Variants in SVEP1 observed in about 807,000 individuals in gnomAD.
SVEP1 encodes the protein sushi, von Willebrand factor type A, EGF and pentraxin domain containing 1.
SVEP1 carries 164 observed loss-of-function variants against 367.3 expected under a neutral mutation model. That is an observed-to-expected ratio of 0.45 (90% CI 0.39 to 0.51). The LOEUF (loss-of-function observed/expected upper bound fraction) is 0.51. SVEP1 is among the 20% of genes least tolerant of loss of function. SVEP1 has a pLI of 0.00. For synonymous variants in SVEP1, 1,666 were observed against 1,611.6 expected, an observed-to-expected ratio of 1.03 and a Z score of -0.81; for missense variants, 4,117 against 4,425.3, an observed-to-expected ratio of 0.93 and a Z score of 1.98.
At chr9:110,396,183 T>C (rs1225528207) in intron 40 of SVEP1, among the ~76,000 whole-genome samples, 1 of 152,052 alleles carries the variant, frequency 6.6e-6, no homozygotes, top group South Asian at 2.1e-4. Context: ...TAGAACTCAG[T>C]ATTAAGAAAC....
Position 110,408,938 on chromosome 9 carries a change from C to T in SVEP1, c.6662G>A (p.Arg2221Lys). ...ATACCTCACTTCACTCTCAAAGATC[C>T]TGCCAGTTGTATGCTGTGCAACAGG... is the stretch of plus-strand genomic sequence containing the variant. The part of the protein sequence containing the change: ...ENGFLEHTTG[R>K]IFESEVRYQC... Residue 2221 changes from arginine to lysine, a missense_variant, in exon 38 of 48, where the codon AGG (arginine) becomes AAG (lysine). By Grantham distance (26) the Arg-to-Lys change is conservative. Around this residue, in one of 4 missense-constraint regions of SVEP1, gnomAD observed 1,765 missense variants for 1,781.1 expected, o/e 0.99. Coordinates refer to ENST00000374469, the MANE Select transcript of SVEP1 (RefSeq NM_153366.4). The T allele has an allele frequency of 6.3e-7, 1 of 1,585,028 alleles. No homozygotes were observed. The highest frequency in any genetic ancestry group is 8.6e-7 in the Non-Finnish European group (1 of 1,165,932).
chr9:110,555,306 CAATGAATG>C (rs1273368452), intron 1 of SVEP1, among the ~76,000 whole-genome samples: 1 of 151,724 alleles, frequency 6.6e-6, no homozygotes, highest in South Asian at 2.1e-4. Flanking sequence ...ACTATTTCTT[CAATGAATG>C]AATGAATGAA....
chr9:110,545,481 G>A (rs1448590319), intron 3 of SVEP1, among the ~76,000 whole-genome samples: 1 of 152,124 alleles, frequency 6.6e-6, no homozygotes, highest in Non-Finnish European at 1.5e-5. Flanking sequence ...TCGAAGTGAT[G>A]GCAGTTTTAG....
In SVEP1 at chr9:110,472,203, G is replaced by A. The variant is rs1394203379; in HGVS notation, c.2720C>T (p.Ala907Val). 6.2e-7 allele frequency: 1 copy of A among 1,613,344 alleles called. No homozygotes were observed. The highest frequency in any genetic ancestry group is 8.5e-7 in the Non-Finnish European group (1 of 1,179,756). ...CTTAATTTTATAGTCAGATAATGGG[G>A]CACTTCTTTTAATCCGTGAGGACTT... ...NAKSSRIKRS[A>V]PLSDYKIKLI... is the part of the protein sequence containing the mutation. Residue 907 changes from alanine (A) to valine (V), a missense_variant, in exon 15 of 48, where the codon GCC becomes GTC. Physicochemically the swap from Ala to Val is moderately conservative, Grantham distance 64. Around this residue, in one of 4 missense-constraint regions of SVEP1, gnomAD observed 2,174 missense variants for 2,494.3 expected, o/e 0.87. Coordinates refer to ENST00000374469, the MANE Select transcript of SVEP1 (RefSeq NM_153366.4).
At chr9:110,450,296 A>C in intron 23 of SVEP1, 36 bp from the exon 24 acceptor site, 2 of 1,603,766 alleles carry the variant, frequency 1.2e-6, no homozygotes, top group Non-Finnish European at 1.7e-6. Context: ...AGCCCAAATG[A>C]TTAACTCCCT....
intron 42 of SVEP1, among the ~76,000 whole-genome samples, chr9:110,386,470 T>TTGTC (rs34584773): frequency 0.27 from 41,476 of 151,886 alleles, 6,253 homozygotes; most frequent in Middle Eastern, 0.48. Flanking sequence ...ATGCTTCTCA[T>TTGTC]TGTCACCTTA....
At chr9:110,501,101 A>C (rs1829522289) in intron 6 of SVEP1, among the ~76,000 whole-genome samples, 1 of 146,072 alleles carries the variant, frequency 6.8e-6, no homozygotes, top group Admixed American at 6.8e-5. Context: ...AATATAATTA[A>C]TATACATATA....
At chr9:110,380,186 A>G (rs1005859023) in intron 43 of SVEP1, among the ~76,000 whole-genome samples, 1 of 152,160 alleles carries the variant, frequency 6.6e-6, no homozygotes, top group Non-Finnish European at 1.5e-5. Context: ...GTATATTTAA[A>G]TAGAAATTTT....
At chr9:110,513,253 A>G (rs1419560592) in intron 4 of SVEP1, 148 bp from the exon 5 acceptor site, 8 of 767,578 alleles carry the variant, frequency 1.0e-5, no homozygotes, top group African/African-American at 1.8e-5. Flanking sequence ...TTTCAAGTAC[A>G]TATTTGGAAG....
intron 8 of SVEP1, 45 bp from the exon 9 acceptor site, chr9:110,489,824 C>G (rs368998804): frequency 3.1e-5 from 48 of 1,562,738 alleles, no homozygotes; most frequent in Middle Eastern, 3.4e-4. Context: ...GTCAAAAGTG[C>G]GTTTATTCTT....
chr9:110,570,842 G>A (rs1387232919), intron 1 of SVEP1, among the ~76,000 whole-genome samples: 1 of 152,064 alleles, frequency 6.6e-6, no homozygotes. Context: ...TAAGGACTAA[G>A]GTATTTTCAG....
chr9:110,516,508 T>C (rs191580230), intron 3 of SVEP1, among the ~76,000 whole-genome samples: 53 of 147,728 alleles, frequency 3.6e-4, no homozygotes, highest in Admixed American at 2.7e-3. Context: ...ATTAGCGATA[T>C]TGAACTACTG....
chr9:110,434,782 T>C (rs1196993530), intron 29 of SVEP1, among the ~76,000 whole-genome samples: 1 of 150,866 alleles, frequency 6.6e-6, no homozygotes, highest in Non-Finnish European at 1.5e-5. Context: ...TCTAGGACAG[T>C]CTAAGAAACT....
chr9:110,529,642 GTTAT>G (rs1373975468), intron 3 of SVEP1, among the ~76,000 whole-genome samples: 1 of 151,750 alleles, frequency 6.6e-6, no homozygotes, highest in Middle Eastern at 3.2e-3. Flanking sequence ...AAGAGATTGA[GTTAT>G]TTATTTGATT....
intron 40 of SVEP1, among the ~76,000 whole-genome samples, chr9:110,394,348 C>A (rs1467140344): frequency 6.6e-6 from 1 of 152,186 alleles, no homozygotes; most frequent in East Asian, 1.9e-4. Context: ...AAAAACCCAT[C>A]TGTACGTCAC....
intron 18 of SVEP1, 33 bp from the exon 19 acceptor site, chr9:110,459,146 T>A (rs1208562382): frequency 1.2e-6 from 2 of 1,600,418 alleles, no homozygotes; most frequent in Admixed American, 3.4e-5. Flanking sequence ...TATGTGCATA[T>A]AAAGTAACAC....
At chr9:110,534,608 T>C (rs1421532892) in intron 3 of SVEP1, among the ~76,000 whole-genome samples, 1 of 152,188 alleles carries the variant, frequency 6.6e-6, no homozygotes, top group Non-Finnish European at 1.5e-5. Context: ...TCACACTGCT[T>C]TCCACAATGG....
Position 110,503,716 on chromosome 9 carries a change from G to A in SVEP1, c.1304-499C>T, listed in dbSNP as rs554047308. 2.4e-4 allele frequency among the ~76,000 whole-genome samples: 36 copies of A among 152,246 alleles called. No individual in the cohort carries two copies. The South Asian group carries it at 3.3e-3, about 14-fold the overall frequency. ...AAGCTACCCAACTTCTGCCATCTTC[G>A]GTTGTGGTATTCTACTGTCCAACCC... On this transcript the variant is annotated intron_variant, in intron 5 of 47. Coordinates refer to ENST00000374469, the MANE Select transcript of SVEP1 (RefSeq NM_153366.4).
intron 16 of SVEP1, among the ~76,000 whole-genome samples, chr9:110,471,006 TTAATAA>T (rs1829008586): frequency 2.6e-5 from 4 of 152,130 alleles, no homozygotes; most frequent in Admixed American, 2.6e-4. Flanking sequence ...TAAAATGTGT[TTAATAA>T]TAATGGTACC....
Sources: gnomAD v4.1 joint callset for allele counts (sites outside exome capture counted in the v4.1 genomes callset) on GRCh38, gnomAD v4.1.1 for gene constraint, gnomAD v4.1.1 regional missense constraint, MANE v1.5 for transcripts, NCBI Gene and HGNC (gene_info 2026-07-23, HGNC 2026-07-21) for gene names.